The following GRIA1 variants were observed in gnomAD, a reference collection of about 807,000 sequenced individuals.
The protein encoded by GRIA1 is glutamate ionotropic receptor AMPA type subunit 1, also known as glutamate receptor 1.
A neutral mutation model predicts 99.2 loss-of-function variants in GRIA1; 31 were observed. The ratio of observed to expected loss-of-function variants is 0.31; its 90% CI spans 0.23 to 0.42. GRIA1 has a LOEUF of 0.42. Among genes scored for constraint, GRIA1 ranks in the 10% least tolerant of loss-of-function variants. The pLI is 1.00. For missense variants in GRIA1, 782 were observed against 1,157.5 expected (o/e 0.68, Z 4.71); for synonymous variants, 438 against 432.4 (o/e 1.01, Z -0.16).
intron 13 of GRIA1, among the ~76,000 whole-genome samples, chr5:153,774,242 T>C (rs1007378099): frequency 6.6e-6 from 1 of 151,966 alleles, no homozygotes; most frequent in African/African-American, 2.4e-5. Context: ...ACTGACTTGA[T>C]CCCAGGAAAC....
rs974100476 is a variant in GRIA1 at position 153,741,936 on chromosome 5, A to T, written c.1824-22498A>T. 4.1e-3 allele frequency among the ~76,000 whole-genome samples: 439 copies of T among 108,010 alleles called. 5 individuals are homozygous for T. Among genetic ancestry groups the T allele is most frequent in the African/African-American group, 0.016 (430 of 27,446 alleles). 70.9% of individuals were successfully genotyped at this position (108,010 alleles called of 152,430 possible). On this transcript the variant is annotated intron_variant, in intron 11 of 15. Transcript: ENST00000285900. The stretch of plus-strand genomic sequence containing the variant: ...ACGTATAAAACTAAAGCTTTTTTTA[A>T]AAAAAAAAAAAAAAGAAAAAGAGGA...
rs199997388 is a variant in GRIA1 at position 153,710,242 on chromosome 5, C to CT, written c.1823+4185dup. The stretch of plus-strand genomic sequence containing the variant: ...TTCTTGTTCAAAAAAAAAAAAACAA[C>CT]TTTTTTTTTTAACTCAGTCACCCCA... On this transcript the variant is annotated intron_variant, in intron 11 of 15. Coordinates refer to ENST00000285900, the MANE Select transcript of GRIA1 (RefSeq NM_000827.4). Among the ~76,000 whole-genome samples, 495 of 146,296 alleles carry CT rather than the reference C, an allele frequency of 3.4e-3. 3 individuals carry two copies. The highest frequency in any genetic ancestry group is 0.012 in the African/African-American group (468 of 39,810).
rs1757322564 is a variant in GRIA1, at chr5:153,686,109, C to T, written c.1030-116C>T. The stretch of plus-strand genomic sequence containing the variant: ...GAAGAGTTTTAGCATTCAGGATACT[C>T]CAAGACATCATTCCATGGAACACTC... On this transcript the variant is annotated intron_variant, in intron 7 of 15. Coordinates refer to ENST00000285900, the MANE Select transcript of GRIA1 (RefSeq NM_000827.4). 7 of 785,194 alleles carry T rather than the reference C, an allele frequency of 8.9e-6. 1 individual carries two copies. The South Asian group carries it at 1.1e-4, about 12-fold the overall frequency. 48.6% of individuals were successfully genotyped at this position (785,194 alleles called of 1,614,324 possible).
At chr5:153,709,589 T>C (rs1019940636) in intron 11 of GRIA1, among the ~76,000 whole-genome samples, 2 of 152,190 alleles carry the variant, frequency 1.3e-5, no homozygotes, top group Admixed American at 6.5e-5. Context: ...TGGTAGCAGG[T>C]AGTGGCTTGT....
intron 1 of GRIA1, chr5:153,492,139 T>A (rs1753971133): frequency 7.0e-6 from 10 of 1,426,698 alleles, no homozygotes; most frequent in Non-Finnish European, 9.2e-6. Context: ...GAGTTTGTGC[T>A]CTTTTGTGAG....
intron 7 of GRIA1, among the ~76,000 whole-genome samples, chr5:153,681,507 C>T (rs188154659): frequency 4.2e-4 from 64 of 152,114 alleles, no homozygotes; most frequent in Non-Finnish European, 1.0e-4. Context: ...CAGCAAGAGA[C>T]GAGGTAGGGT....
At chr5:153,670,671 AG>A (rs1561749844) in intron 5 of GRIA1, among the ~76,000 whole-genome samples, 1 of 152,130 alleles carries the variant, frequency 6.6e-6, no homozygotes, top group Non-Finnish European at 1.5e-5. Flanking sequence ...TTACCCTCTA[AG>A]GTTTTTTTTA....
intron 4 of GRIA1, 72 bp downstream of exon 4, chr5:153,650,586 T>C: frequency 6.8e-7 from 1 of 1,462,988 alleles, no homozygotes; most frequent in Non-Finnish European, 9.4e-7. Flanking sequence ...ACTTTTGCCT[T>C]GGGTGTTATA....
chr5:153,716,432 C>G (rs1759671711), intron 11 of GRIA1, among the ~76,000 whole-genome samples: 1 of 152,070 alleles, frequency 6.6e-6, no homozygotes, highest in Admixed American at 6.5e-5. Flanking sequence ...CATCCTTTTT[C>G]CTTTATAGGA....
chr5:153,736,480 G>T (rs941458011), intron 11 of GRIA1, among the ~76,000 whole-genome samples: 2 of 152,196 alleles, frequency 1.3e-5, no homozygotes, highest in Admixed American at 1.3e-4. Context: ...TTATAAGCAA[G>T]ATGTGATTAA....
chr5:153,712,560 T>C (rs776820394), intron 11 of GRIA1, among the ~76,000 whole-genome samples: 8 of 141,616 alleles, frequency 5.6e-5, no homozygotes, highest in Non-Finnish European at 1.1e-4. Flanking sequence ...GCAAGAGCTG[T>C]GCAAACCCAT....
At chr5:153,607,919 T>C (rs1469874790) in intron 2 of GRIA1, among the ~76,000 whole-genome samples, 2 of 152,148 alleles carry the variant, frequency 1.3e-5, no homozygotes, top group East Asian at 3.8e-4. Flanking sequence ...TTTCCTTCTT[T>C]GTGAATAATA....
At chr5:153,684,974 C>G (rs369472031) in intron 7 of GRIA1, among the ~76,000 whole-genome samples, 1 of 152,192 alleles carries the variant, frequency 6.6e-6, no homozygotes, top group Non-Finnish European at 1.5e-5. Context: ...CACACACACA[C>G]GCATTCTCTC....
intron 2 of GRIA1, among the ~76,000 whole-genome samples, chr5:153,646,484 C>T (rs1034429857): frequency 6.6e-6 from 1 of 152,120 alleles, no homozygotes; most frequent in Non-Finnish European, 1.5e-5. Flanking sequence ...TGAATATGTT[C>T]ATTAAATTTC....
Position 153,498,514 on chromosome 5 carries a change from G to A in GRIA1, c.220+4449G>A, listed in dbSNP as rs570849967. Among the ~76,000 whole-genome samples the A allele has an allele frequency of 2.8e-4, 42 of 152,240 alleles. No individual in the cohort carries two copies. The South Asian group carries it at 8.7e-3, about 32-fold the overall frequency. On this transcript the variant is annotated intron_variant, in intron 2 of 15. Transcript: ENST00000285900. ...GAGCCTCAATGACAATAGGTGAAAGGTAGCAACCCTAACTACAGTGGGATG... is the reference window on the plus strand; with the variant it reads ...GAGCCTCAATGACAATAGGTGAAAGATAGCAACCCTAACTACAGTGGGATG...
intron 5 of GRIA1, among the ~76,000 whole-genome samples, chr5:153,673,391 C>G (rs978981836): frequency 6.6e-6 from 1 of 152,214 alleles, no homozygotes; most frequent in African/African-American, 2.4e-5. Flanking sequence ...TTATACTATA[C>G]TATGCTGCAT....
Position 153,530,849 on chromosome 5 carries a change from A to G in GRIA1, c.220+36784A>G, listed in dbSNP as rs188109488. On this transcript the variant is annotated intron_variant, in intron 2 of 15. Coordinates refer to ENST00000285900, the MANE Select transcript of GRIA1 (RefSeq NM_000827.4). ...GCCATACCTTTCAGAAAATATTCCA[A>G]AAATAGTTACTGAACACCTATGATG... 3.0e-4 allele frequency among the ~76,000 whole-genome samples: 45 copies of G among 152,356 alleles called. No homozygotes were observed. The East Asian group carries it at 3.5e-3, about 12-fold the overall frequency.
At chr5:153,763,877 C>T (rs1384085037) in intron 11 of GRIA1, among the ~76,000 whole-genome samples, 1 of 152,176 alleles carries the variant, frequency 6.6e-6, no homozygotes, top group African/African-American at 2.4e-5. Context: ...TGGCATTCCC[C>T]ACAATGGTTG....
intron 7 of GRIA1, among the ~76,000 whole-genome samples, chr5:153,683,722 C>G (rs2149494115): frequency 6.6e-6 from 1 of 152,310 alleles, no homozygotes; most frequent in Non-Finnish European, 1.5e-5. Flanking sequence ...TTTTTCATAA[C>G]TTTTACCCAC....
Sources: gnomAD v4.1 joint callset for allele counts (sites outside exome capture counted in the v4.1 genomes callset) on GRCh38, gnomAD v4.1.1 for gene constraint, MANE v1.5 for transcripts, NCBI Gene and HGNC (gene_info 2026-07-23, HGNC 2026-07-21) for gene names.